Variants in PTBP3 observed in about 807,000 individuals in gnomAD.
The protein encoded by PTBP3 is polypyrimidine tract-binding protein 3.
Under a neutral mutation model 58.7 loss-of-function variants are expected in PTBP3, and 20 were observed. The observed-to-expected ratio is 0.34, with a 90% CI of 0.24 to 0.50. The LOEUF (loss-of-function observed/expected upper bound fraction) is 0.50, where lower values mean the gene tolerates loss of function less well. Among genes scored for constraint, PTBP3 ranks in the 20% least tolerant of loss-of-function variants. PTBP3 has a pLI of 0.98. For missense variants in PTBP3, 509 were observed against 637.2 expected (o/e 0.80, Z 2.17); for synonymous variants, 185 against 219.8 (o/e 0.84, Z 1.40).
chr9:112,226,143 T>C (rs1187952370), intron 12 of PTBP3, among the ~76,000 whole-genome samples: 2 of 152,028 alleles, frequency 1.3e-5, no homozygotes, highest in African/African-American at 4.8e-5. Flanking sequence ...TCCACAGTAA[T>C]GAGCTGCTAA....
At chr9:112,293,510 GA>G (rs765499529) in intron 2 of PTBP3, among the ~76,000 whole-genome samples, 65 of 152,206 alleles carry the variant, frequency 4.3e-4, no homozygotes, top group Middle Eastern at 6.8e-3. Context: ...TAAAGTAATA[GA>G]ACTCCCTCAA....
chr9:112,350,793 C>T, the PTBP3 span, among the ~76,000 whole-genome samples: 3 of 152,078 alleles, frequency 2.0e-5, no homozygotes, highest in African/African-American at 4.8e-5. Flanking sequence ...AATAATTCTT[C>T]TTTCCTTTTT....
At chr9:112,237,098 T>A (rs570376345) in intron 7 of PTBP3, among the ~76,000 whole-genome samples, 5 of 152,274 alleles carry the variant, frequency 3.3e-5, no homozygotes, top group Admixed American at 2.0e-4. Context: ...ATAACTATCA[T>A]AGAACATTAA....
In PTBP3 at chr9:112,275,848, C is replaced by T. The variant is rs1313469995; in HGVS notation, c.200G>A (p.Ser67Asn). Residue 67 changes from serine to asparagine, a missense_variant, in exon 3 of 14, where the codon AGC (serine) becomes AAC (asparagine). This residue lies in a region of PTBP3 where 212 missense variants were observed against 215.3 expected (regional missense o/e 0.98). Coordinates refer to ENST00000374257, the MANE Select transcript of PTBP3 (RefSeq NM_001163788.4). Reference protein sequence around the residue: ...VTNLLMLKGKSQAFLEMASEE... With the variant: ...VTNLLMLKGKNQAFLEMASEE... ...CAATCTTTAAATATTACATACCTGG[C>T]TTTTTCCTTTCAACATCAAAAGATT... 1.9e-6 allele frequency: 3 copies of T among 1,608,306 alleles called. No individual in the cohort carries two copies. The highest frequency in any genetic ancestry group is 2.6e-6 in the Non-Finnish European group (3 of 1,175,286).
the PTBP3 span, among the ~76,000 whole-genome samples, chr9:112,372,293 G>T: frequency 3.3e-5 from 5 of 151,982 alleles, no homozygotes; most frequent in African/African-American, 1.2e-4. Context: ...TTGCCAGGCT[G>T]GTCTTGAACT....
intron 7 of PTBP3, among the ~76,000 whole-genome samples, chr9:112,240,541 TTGA>T (rs1030863723): frequency 5.1e-4 from 78 of 152,024 alleles, no homozygotes; most frequent in Admixed American, 4.1e-3. Context: ...TATATAATAC[TTGA>T]TAATAAAGAA....
At chr9:112,348,933 T>C in the PTBP3 span, among the ~76,000 whole-genome samples, 2 of 152,232 alleles carry the variant, frequency 1.3e-5, no homozygotes, top group Non-Finnish European at 2.9e-5. Context: ...ATTTCCCTTA[T>C]TTTCTTCCAA....
chr9:112,304,784 T>C (rs547422234), intron 1 of PTBP3, among the ~76,000 whole-genome samples: 126 of 152,334 alleles, frequency 8.3e-4, no homozygotes, highest in African/African-American at 3.0e-3. Context: ...TTTACTCTAC[T>C]GATTGATCGC....
chr9:112,351,477 C>T, the PTBP3 span, among the ~76,000 whole-genome samples: 1 of 152,190 alleles, frequency 6.6e-6, no homozygotes, highest in Non-Finnish European at 1.5e-5. Context: ...ATTTTCTTCA[C>T]TCTAAAGTTA....
upstream of PTBP3, chr9:112,333,766 C>G (rs1343810937): frequency 3.4e-6 from 1 of 297,452 alleles, no homozygotes; most frequent in Non-Finnish European, 6.2e-6. Flanking sequence ...CGCGCCCACC[C>G]TCGCCCCGCT....
At chr9:112,276,553 T>C (rs1031021734) in intron 2 of PTBP3, among the ~76,000 whole-genome samples, 3 of 152,026 alleles carry the variant, frequency 2.0e-5, no homozygotes, top group Non-Finnish European at 4.4e-5. Flanking sequence ...TGGTTTCCTA[T>C]GATAATCTTA....
chr9:112,377,148 T>C, the PTBP3 span, among the ~76,000 whole-genome samples: 27 of 152,194 alleles, frequency 1.8e-4, no homozygotes, highest in African/African-American at 6.5e-4. Flanking sequence ...GGTGGGAGGA[T>C]TGCTTGAGGT....
chr9:112,336,798 G>A (rs544656306), upstream of PTBP3, among the ~76,000 whole-genome samples: 1 of 152,074 alleles, frequency 6.6e-6, no homozygotes, highest in Admixed American at 6.5e-5. Context: ...TAAATATAAA[G>A]TGTGTCCGAA....
the PTBP3 span, among the ~76,000 whole-genome samples, chr9:112,343,516 G>A: frequency 6.6e-6 from 1 of 152,154 alleles, no homozygotes; most frequent in Admixed American, 6.5e-5. Context: ...GCAGCTGGGC[G>A]TGGTGGCTCT....
intron 3 of PTBP3, among the ~76,000 whole-genome samples, chr9:112,274,723 T>A (rs1827535180): frequency 1.3e-5 from 2 of 152,206 alleles, no homozygotes; most frequent in African/African-American, 4.8e-5. Context: ...GACATTATTT[T>A]GGACTAGCCT....
chr9:112,345,186 C>G, the PTBP3 span, among the ~76,000 whole-genome samples: 6 of 151,678 alleles, frequency 4.0e-5, no homozygotes, highest in South Asian at 1.3e-3. Context: ...CTTAAATGAG[C>G]TAAGCATGGT....
intron 7 of PTBP3, among the ~76,000 whole-genome samples, chr9:112,243,131 T>TA (rs34908344): frequency 0.098 from 13,730 of 140,492 alleles, 1,208 homozygotes; most frequent in African/African-American, 0.22. Flanking sequence ...TCTTACAGCT[T>TA]AAAAAAAAAA....
the PTBP3 span, among the ~76,000 whole-genome samples, chr9:112,368,554 T>C: frequency 6.6e-6 from 1 of 151,974 alleles, no homozygotes; most frequent in African/African-American, 2.4e-5. Context: ...GATAAATGAT[T>C]CCCTCACAAT....
chr9:112,297,141 C>T (rs964694073), intron 2 of PTBP3, among the ~76,000 whole-genome samples: 6 of 152,234 alleles, frequency 3.9e-5, no homozygotes, highest in Admixed American at 1.3e-4. Flanking sequence ...ACGTAAATTA[C>T]TTCAATTTTT....
Sources: gnomAD v4.1 joint callset for allele counts (sites outside exome capture counted in the v4.1 genomes callset) on GRCh38, gnomAD v4.1.1 for gene constraint, gnomAD v4.1.1 regional missense constraint, MANE v1.5 for transcripts, NCBI Gene and HGNC (gene_info 2026-07-23, HGNC 2026-07-21) for gene names.